Variants in DLG2 observed in about 807,000 individuals in gnomAD.
DLG2 encodes the protein disks large homolog 2.
DLG2 carries 45 observed loss-of-function variants against 132.5 expected under a neutral mutation model. The observed-to-expected ratio is 0.34, with a 90% CI of 0.27 to 0.44. DLG2 has a LOEUF of 0.44. Among genes scored for constraint, DLG2 ranks in the 20% least tolerant of loss-of-function variants. The probability of loss-of-function intolerance (pLI) is 1.00; values close to 1 mark genes in which losing one functional copy is unlikely to be tolerated. For missense variants in DLG2, 1,045 were observed against 1,196.9 expected, an observed-to-expected ratio of 0.87 and a Z score of 1.87; for synonymous variants, 424 against 419.6, an observed-to-expected ratio of 1.01 and a Z score of -0.13.
intron 19 of DLG2, among the ~76,000 whole-genome samples, chr11:83,615,398 C>T (rs2060652512): frequency 6.6e-6 from 1 of 152,168 alleles, no homozygotes; most frequent in South Asian, 2.1e-4. Context: ...GTCATAATCG[C>T]TCTTGGCTTC....
At chr11:83,714,026 G>A (rs1281504365) in intron 18 of DLG2, among the ~76,000 whole-genome samples, 1 of 152,150 alleles carries the variant, frequency 6.6e-6, no homozygotes, top group Non-Finnish European at 1.5e-5. Context: ...TCAATGTTGT[G>A]CAAGTGGGAC....
At chr11:83,566,283 C>G (rs2096708161) in intron 19 of DLG2, among the ~76,000 whole-genome samples, 1 of 152,116 alleles carries the variant, frequency 6.6e-6, no homozygotes, top group Non-Finnish European at 1.5e-5. Flanking sequence ...CCTAATAGGT[C>G]AGCAACTTTA....
At chr11:85,547,324 T>C (rs1282866086) in intron 3 of DLG2, among the ~76,000 whole-genome samples, 1 of 152,216 alleles carries the variant, frequency 6.6e-6, no homozygotes, top group Non-Finnish European at 1.5e-5. Context: ...GCCCCCACTC[T>C]CTTTTGGCTT....
intron 18 of DLG2, among the ~76,000 whole-genome samples, chr11:83,660,213 T>G (rs956447020): frequency 3.9e-5 from 6 of 152,194 alleles, no homozygotes; most frequent in African/African-American, 1.4e-4. Context: ...TTAGGAGCTC[T>G]TAGCCCAGTG....
At chr11:84,018,424 T>G (rs1292161384) in intron 11 of DLG2, among the ~76,000 whole-genome samples, 1 of 152,006 alleles carries the variant, frequency 6.6e-6, no homozygotes, top group African/African-American at 2.4e-5. Flanking sequence ...TTATATAAGC[T>G]CTACAACTAT....
At chr11:84,335,471 T>C (rs1273581609) in intron 7 of DLG2, among the ~76,000 whole-genome samples, 1 of 152,204 alleles carries the variant, frequency 6.6e-6, no homozygotes, top group Non-Finnish European at 1.5e-5. Flanking sequence ...AGGTTGACAA[T>C]ACTGATTGAT....
Position 83,472,743 on chromosome 11 carries a change from A to C in DLG2, c.2328T>G (p.Pro776=), listed in dbSNP as rs1291952683. 6.2e-7 allele frequency: 1 copy of C among 1,611,790 alleles called. No individual in the cohort carries two copies. Among genetic ancestry groups the C allele is most frequent in the East Asian group, 2.2e-5 (1 of 44,840 alleles). ...GAAACTTACTTTCCTGCCTTGTAACAGGCTCATAGGAAAGAATGAGGTCTT... is the reference window on the plus strand; with the variant it reads ...GAAACTTACTTTCCTGCCTTGTAACCGGCTCATAGGAAAGAATGAGGTCTT... ...GQEDLILSYE[P]VTRQEINYTR... Residue 776 remains proline (P), a synonymous_variant, in exon 23 of 28, where the codon CCT becomes CCG. Coordinates refer to ENST00000376104, the MANE Select transcript of DLG2 (RefSeq NM_001142699.3).
chr11:84,746,251 GAA>G (rs369130410), intron 6 of DLG2, among the ~76,000 whole-genome samples: 10 of 91,042 alleles, frequency 1.1e-4, no homozygotes, highest in African/African-American at 2.0e-4. Flanking sequence ...GATATGAAAA[GAA>G]AAAAAAAAAA....
chr11:85,431,056 A>C (rs142905934), intron 3 of DLG2, among the ~76,000 whole-genome samples: 135 of 152,270 alleles, frequency 8.9e-4, no homozygotes, highest in African/African-American at 3.0e-3. Flanking sequence ...TTTTATTTCT[A>C]TACATCAAAC....
chr11:83,632,090 C>T (rs891248331), intron 19 of DLG2: 7 of 152,136 alleles, frequency 4.6e-5, no homozygotes, highest in African/African-American at 1.4e-4. Flanking sequence ...CAGGGCTTCC[C>T]TGGAATAAGA....
At chr11:85,412,750 CACACACACACATATATATAT>C (rs59365226) in intron 3 of DLG2, among the ~76,000 whole-genome samples, 7,684 of 139,200 alleles carry the variant, frequency 0.055, 318 homozygotes, top group African/African-American at 0.1. Flanking sequence ...CACACACACA[CACACACACACATATATATAT>C]ATATATATAT....
intron 3 of DLG2, among the ~76,000 whole-genome samples, chr11:85,502,362 G>C (rs2093824668): frequency 6.6e-6 from 1 of 151,704 alleles, no homozygotes; most frequent in Non-Finnish European, 1.5e-5. Context: ...CACGACACGT[G>C]TATACCTGTG....
chr11:84,907,439 C>T (rs926949423), intron 6 of DLG2, among the ~76,000 whole-genome samples: 2 of 152,104 alleles, frequency 1.3e-5, no homozygotes, highest in Admixed American at 1.3e-4. Context: ...TTCCCAACAA[C>T]AGTTCAATTA....
Position 84,207,629 on chromosome 11 carries a change from A to G in DLG2, c.573+43609T>C, listed in dbSNP as rs949740388. The stretch of plus-strand genomic sequence containing the variant: ...TGACATCTTCCTCACATCATACACA[A>G]CAAGTATTTTGTGATGGATTAAAAA... On this transcript the variant is annotated intron_variant, in intron 8 of 27. Transcript: ENST00000376104. 9.2e-5 allele frequency among the ~76,000 whole-genome samples: 14 copies of G among 152,274 alleles called. No individual in the cohort carries two copies. The South Asian group carries it at 1.0e-3, about 11-fold the overall frequency.
chr11:83,622,905 T>C (rs1011882378), intron 19 of DLG2, among the ~76,000 whole-genome samples: 2 of 152,196 alleles, frequency 1.3e-5, no homozygotes, highest in Non-Finnish European at 2.9e-5. Context: ...GAGTATTCTG[T>C]AGATGTCCAA....
intron 19 of DLG2, among the ~76,000 whole-genome samples, chr11:83,595,454 C>G (rs2057410718): frequency 6.6e-6 from 1 of 152,164 alleles, no homozygotes; most frequent in Non-Finnish European, 1.5e-5. Flanking sequence ...CATTAAGAAT[C>G]CATCTAAGGA....
chr11:84,614,149 C>G (rs753407815), intron 6 of DLG2, among the ~76,000 whole-genome samples: 3 of 152,068 alleles, frequency 2.0e-5, no homozygotes, highest in Non-Finnish European at 4.4e-5. Flanking sequence ...GTGCCTTGAA[C>G]CCTGCCAGGT....
chr11:84,176,430 A>T (rs1397695523), intron 8 of DLG2, among the ~76,000 whole-genome samples: 1 of 150,932 alleles, frequency 6.6e-6, no homozygotes, highest in East Asian at 1.9e-4. Flanking sequence ...GTATATATAC[A>T]TATATTCACA....
intron 3 of DLG2, among the ~76,000 whole-genome samples, chr11:85,526,276 G>C (rs1173769078): frequency 1.3e-5 from 2 of 151,980 alleles, no homozygotes; most frequent in African/African-American, 4.8e-5. Flanking sequence ...CAGTGATACA[G>C]AGAAAAATCT....
Sources: gnomAD v4.1 joint callset for allele counts (sites outside exome capture counted in the v4.1 genomes callset) on GRCh38, gnomAD v4.1.1 for gene constraint, MANE v1.5 for transcripts, NCBI Gene and HGNC (gene_info 2026-07-23, HGNC 2026-07-21) for gene names.